IL10: variants seen among roughly 807,000 people sequenced by gnomAD.
IL10 encodes interleukin-10.
In IL10, 7 loss-of-function variants were observed where a neutral mutation model predicts 21.0. The ratio of observed to expected loss-of-function variants is 0.33; its 90% CI spans 0.19 to 0.63. The LOEUF is 0.63. Ranked by LOEUF, IL10 falls within the 20% of genes least tolerant of loss-of-function variation. The pLI is 0.77. For missense variants in IL10, 161 were observed against 213.0 expected (o/e 0.76, Z 1.52); for synonymous variants, 83 against 79.7 (o/e 1.04, Z -0.22).
intron 4 of IL10, among the ~76,000 whole-genome samples, chr1:206,769,426 C>G (rs1054852115): frequency 6.6e-6 from 1 of 152,230 alleles, no homozygotes; most frequent in Non-Finnish European, 1.5e-5. Flanking sequence ...CTGGGCTGAA[C>G]CCCCAGGTGT....
chr1:206,769,918 T>G (rs1419614640), intron 3 of IL10, 24 bp from the exon 4 acceptor site: 1 of 1,600,868 alleles, frequency 6.2e-7, no homozygotes, highest in Non-Finnish European at 8.6e-7. Flanking sequence ...GAGAAAGTGT[T>G]GGTGATCCTG....
intron 4 of IL10, among the ~76,000 whole-genome samples, chr1:206,769,233 C>T (rs771216787): frequency 1.3e-5 from 2 of 152,224 alleles, no homozygotes; most frequent in South Asian, 2.1e-4. Flanking sequence ...ATAGGCCGCA[C>T]GGTTTCTGGG....
At position 206,771,338 on chromosome 1, in the gene IL10, C is replaced by G; in HGVS notation, c.225+18G>C. 1 of 1,610,542 alleles carries G rather than the reference C, an allele frequency of 6.2e-7. No individual in the cohort carries two copies. The highest frequency in any genetic ancestry group is 8.5e-7 in the Non-Finnish European group (1 of 1,177,038). On this transcript the variant is annotated intron_variant, in intron 2 of 4. Coordinates refer to ENST00000423557, the MANE Select transcript of IL10 (RefSeq NM_000572.3). Reference sequence around the variant, plus strand: ...AATCATGCTGCACACTCCCCCAGCACCCCGCCCCTGCTCTCACCTTAAAGT... The same window carrying G: ...AATCATGCTGCACACTCCCCCAGCAGCCCGCCCCTGCTCTCACCTTAAAGT...
intron 2 of IL10, 103 bp from the exon 3 acceptor site, chr1:206,771,162 C>T: frequency 2.9e-6 from 4 of 1,367,954 alleles, no homozygotes; most frequent in Non-Finnish European, 4.2e-6. Flanking sequence ...AGCGATCCTC[C>T]TTCACCAGAA....
In IL10 at chr1:206,768,644, G is replaced by A. The variant is rs142726516; in HGVS notation, c.529C>T (p.Arg177Ter). The A allele has an allele frequency of 3.8e-6, 6 of 1,589,440 alleles. No homozygotes were observed. Among genetic ancestry groups the A allele is most frequent in the Admixed American group, 3.3e-5 (2 of 59,964 alleles). ...GTCGCCACCCTGATGTCTCAGTTTC[G>A]TATCTTCATTGTCATGTAGGCTTCT... The part of the protein sequence containing the change: ...YIEAYMTMKI[R>*]N The change falls in exon 5 of 5, where the codon CGA becomes TGA. Residue 177 changes from arginine (R) to a stop codon, truncating the protein, a stop_gained. Coordinates refer to ENST00000423557, the MANE Select transcript of IL10 (RefSeq NM_000572.3). LOFTEE classifies it high-confidence loss of function.
chr1:206,772,258 G>A lies in IL10; in HGVS notation c.165+13C>T. 4.3e-6 allele frequency: 7 copies of A among 1,611,426 alleles called. No homozygotes were observed. Among genetic ancestry groups the A allele is most frequent in the Non-Finnish European group, 5.9e-6 (7 of 1,177,576 alleles). The stretch of plus-strand genomic sequence containing the variant: ...CCAGGAAGAGAGAAAGGACAGGAAG[G>A]AATCATACTCACAAAGAAAGTCTTC... On this transcript the variant is annotated intron_variant, in intron 1 of 4. Coordinates refer to ENST00000423557, the MANE Select transcript of IL10 (RefSeq NM_000572.3).
Position 206,772,372 on chromosome 1 carries a change from G to A in IL10, c.64C>T (p.Gln22Ter). ...LLTGVRASPG[Q>*]GTQSENSCTH... ...CAGCTGTTCTCAGACTGGGTGCCCT[G>A]GCCTGGGCTGGCCCTCACCCCAGTC... is the stretch of plus-strand genomic sequence containing the variant. Residue 22 changes from glutamine to a stop codon, truncating the protein, a stop_gained, in exon 1 of 5, where the codon CAG becomes TAG. Transcript: ENST00000423557. LOFTEE classifies it high-confidence loss of function. The A allele has an allele frequency of 6.2e-7, 1 of 1,614,134 alleles. No homozygotes were observed. Among genetic ancestry groups the A allele is most frequent in the Non-Finnish European group, 8.5e-7 (1 of 1,179,976 alleles).
In IL10 at chr1:206,770,898, G is replaced by A; in HGVS notation, c.378+9C>T. On this transcript the variant is annotated intron_variant, in intron 3 of 4. Transcript: ENST00000423557. ...CAGCTGCAAGGGAAAAAACTGATCT[G>A]CTACTTACACAGCGCCGTAGCCTCA... 6.2e-7 allele frequency: 1 copy of A among 1,613,854 alleles called. No homozygotes were observed. Among genetic ancestry groups the A allele is most frequent in the South Asian group, 1.1e-5 (1 of 91,068 alleles).
chr1:206,768,284 G>A lies in IL10; in HGVS notation c.*352C>T, dbSNP rs1400341635. 6 of 309,624 alleles carry A rather than the reference G, an allele frequency of 1.9e-5. No homozygotes were observed. Among genetic ancestry groups the A allele is most frequent in the Non-Finnish European group, 3.6e-5 (6 of 165,452 alleles). The allele number at this position is 309,624 out of a possible 1,614,324, so 19.2% of individuals were successfully genotyped here. A position where few individuals can be genotyped will look rare whatever the true frequency, so the allele number is the denominator to read the frequency against. On this transcript the variant is annotated 3_prime_UTR_variant, in exon 5 of 5. Coordinates refer to ENST00000423557, the MANE Select transcript of IL10 (RefSeq NM_000572.3). The stretch of plus-strand genomic sequence containing the variant: ...AAGCGTGGTCAGGCTTGGAATGGAA[G>A]CTTCTGTTGGCTCCCCAAAGAACAT...
At chr1:206,771,492 AT>A in intron 1 of IL10, 77 bp from the exon 2 acceptor site, 2 of 1,222,368 alleles carry the variant, frequency 1.6e-6, no homozygotes, top group Non-Finnish European at 2.4e-6. Context: ...ATGCCCTTTC[AT>A]TTAGAGATTT....
At chr1:206,770,380 A>G (rs931121407) in intron 3 of IL10, 10 of 270,196 alleles carry the variant, frequency 3.7e-5, no homozygotes, top group Non-Finnish European at 5.8e-5. Flanking sequence ...GCATCATTTC[A>G]GTTGGAGAAA....
chr1:206,770,715 C>T, intron 3 of IL10, 192 bp downstream of exon 3: 2 of 623,404 alleles, frequency 3.2e-6, no homozygotes, highest in South Asian at 3.9e-5. Flanking sequence ...ATGTAAATGC[C>T]TAGCAGCCAC....
chr1:206,770,859 T>C (rs1014037243), intron 3 of IL10, 48 bp downstream of exon 3: 10 of 1,573,790 alleles, frequency 6.4e-6, no homozygotes, highest in South Asian at 1.1e-5. Context: ...CTGTAGGAGA[T>C]GGTATTTTGG....
chr1:206,770,632 TG>T (rs1461354974), intron 3 of IL10: 5 of 494,062 alleles, frequency 1.0e-5, no homozygotes, highest in Non-Finnish European at 1.8e-5. Context: ...GCTCCTTTTA[TG>T]AAGAGAGAGG....
In IL10 at chr1:206,768,426, A is replaced by T; in HGVS notation, c.*210T>A. 1.9e-6 allele frequency: 1 copy of T among 533,064 alleles called. No individual in the cohort carries two copies. The highest frequency in any genetic ancestry group is 3.3e-6 in the Non-Finnish European group (1 of 300,468). 33.0% of individuals were successfully genotyped at this position (533,064 alleles called of 1,614,324 possible). A position where few individuals can be genotyped will look rare whatever the true frequency, so the allele number is the denominator to read the frequency against. Reference sequence around the variant, plus strand: ...AAAATAATAAATATTGAAAAAAATTATAATATTGGGCTTCTTTCTAAATCG... The same window carrying T: ...AAAATAATAAATATTGAAAAAAATTTTAATATTGGGCTTCTTTCTAAATCG... On this transcript the variant is annotated 3_prime_UTR_variant, in exon 5 of 5. Transcript: ENST00000423557.
At chr1:206,771,957 G>A (rs917489426) in intron 1 of IL10, among the ~76,000 whole-genome samples, 8 of 151,972 alleles carry the variant, frequency 5.3e-5, no homozygotes, top group Non-Finnish European at 1.2e-4. Context: ...TCTTCACCTC[G>A]AATCAGACAT....
chr1:206,769,893 T>A lies in IL10; in HGVS notation c.380A>T (p.His127Leu). 6.2e-7 allele frequency: 1 copy of A among 1,613,556 alleles called. No homozygotes were observed. Among genetic ancestry groups the A allele is most frequent in the Non-Finnish European group, 8.5e-7 (1 of 1,179,454 alleles). The change falls in exon 4 of 5, where the codon CAT becomes CTT. Residue 127 changes from histidine (H) to leucine (L), a missense_variant and splice_region_variant. By Grantham distance (99) the His-to-Leu change is moderately conservative. Coordinates refer to ENST00000423557, the MANE Select transcript of IL10 (RefSeq NM_000572.3). Reference protein sequence around the residue: ...KTLRLRLRRCHRFLPCENKSK... With the variant: ...KTLRLRLRRCLRFLPCENKSK... ...CTTGTTTTCACAGGGAAGAAATCGA[T>A]GCTGTGGAAGAAAAGAGAAAGTGTT...
intron 3 of IL10, 72 bp downstream of exon 3, chr1:206,770,835 G>T: frequency 7.1e-7 from 1 of 1,411,268 alleles, no homozygotes; most frequent in Non-Finnish European, 1.0e-6. Context: ...GTGGATGTGA[G>T]TGTCCCTGCT....
intron 4 of IL10, among the ~76,000 whole-genome samples, chr1:206,769,110 C>T (rs540316331): frequency 6.6e-6 from 1 of 152,296 alleles, no homozygotes; most frequent in South Asian, 2.1e-4. Context: ...TCTGTGTTCT[C>T]CCACCAACAC....
Sources: allele counts gnomAD v4.1 joint callset (sites outside exome capture counted in the v4.1 genomes callset), GRCh38; gene constraint gnomAD v4.1.1; transcripts MANE v1.5; gene names NCBI Gene and HGNC (gene_info 2026-07-23, HGNC 2026-07-21).